BMPER: variants seen among roughly 807,000 people sequenced by gnomAD.
BMPER encodes BMP binding endothelial regulator, also known as BMP-binding endothelial regulator protein.
In BMPER, 45 loss-of-function variants were observed where a neutral mutation model predicts 87.3. The observed-to-expected ratio is 0.52, with a 90% CI of 0.41 to 0.66. The LOEUF is 0.66. BMPER is among the 30% of genes least tolerant of loss of function. BMPER has a pLI of 0.00. For synonymous variants in BMPER, 326 were observed against 316.2 expected (o/e 1.03, Z -0.33); for missense variants, 784 against 867.5 (o/e 0.90, Z 1.21).
intron 9 of BMPER, 114 bp downstream of exon 9, chr7:34,055,417 G>A (rs949761771): frequency 2.0e-5 from 26 of 1,290,258 alleles, no homozygotes; most frequent in Admixed American, 1.4e-4. Context: ...ATATACAAAT[G>A]TATATGTGTG....
At chr7:34,151,787 G>A (rs1446430748) in intron 14 of BMPER, among the ~76,000 whole-genome samples, 2 of 152,190 alleles carry the variant, frequency 1.3e-5, no homozygotes, top group Admixed American at 1.3e-4. Flanking sequence ...ACAGAAAAAT[G>A]TTCATTATAG....
intron 6 of BMPER, among the ~76,000 whole-genome samples, chr7:34,007,350 T>A (rs1435726584): frequency 6.6e-6 from 1 of 152,080 alleles, no homozygotes; most frequent in Non-Finnish European, 1.5e-5. Context: ...GGATTTCACA[T>A]GCACATGTAC....
At chr7:34,018,556 A>G (rs1787098518) in intron 6 of BMPER, among the ~76,000 whole-genome samples, 1 of 151,968 alleles carries the variant, frequency 6.6e-6, no homozygotes, top group Non-Finnish European at 1.5e-5. Flanking sequence ...ATGAAACTGG[A>G]CACCAAGACG....
At chr7:34,032,547 A>G (rs1787557287) in intron 6 of BMPER, among the ~76,000 whole-genome samples, 1 of 152,168 alleles carries the variant, frequency 6.6e-6, no homozygotes, top group African/African-American at 2.4e-5. Context: ...ATTGGATGAA[A>G]GAAATGTCCT....
At chr7:33,964,181 A>G (rs1785345992) in intron 3 of BMPER, among the ~76,000 whole-genome samples, 1 of 152,212 alleles carries the variant, frequency 6.6e-6, no homozygotes, top group Non-Finnish European at 1.5e-5. Context: ...AGTGATGAGA[A>G]TGTCCTTTCT....
At chr7:34,053,574 G>A (rs1303998024) in intron 8 of BMPER, among the ~76,000 whole-genome samples, 1 of 152,114 alleles carries the variant, frequency 6.6e-6, no homozygotes, top group Admixed American at 6.6e-5. Context: ...TATGTTCTAT[G>A]TATTACATAC....
intron 5 of BMPER, 26 bp downstream of exon 5, chr7:33,970,445 G>A (rs1287798885): frequency 2.4e-5 from 38 of 1,602,072 alleles, no homozygotes; most frequent in Non-Finnish European, 3.2e-5. Flanking sequence ...AGGGGAGGCT[G>A]GAAATCTCTG....
chr7:33,997,396 T>C (rs567718338), intron 6 of BMPER, among the ~76,000 whole-genome samples: 2 of 152,220 alleles, frequency 1.3e-5, no homozygotes, highest in South Asian at 2.1e-4. Context: ...TGGGAGGTGA[T>C]TGAATGAAGG....
At chr7:33,910,555 A>G (rs112431171) in intron 2 of BMPER, among the ~76,000 whole-genome samples, 3 of 152,336 alleles carry the variant, frequency 2.0e-5, no homozygotes, top group African/African-American at 7.2e-5. Context: ...GGAGGCTGGG[A>G]CTCAGAAAAC....
chr7:34,020,709 G>A (rs1355688939), intron 6 of BMPER, among the ~76,000 whole-genome samples: 1 of 151,972 alleles, frequency 6.6e-6, no homozygotes, highest in Non-Finnish European at 1.5e-5. Flanking sequence ...GAATTATCCA[G>A]GATTGTTTCC....
At chr7:34,063,591 G>C (rs528518199) in intron 11 of BMPER, among the ~76,000 whole-genome samples, 14 of 152,130 alleles carry the variant, frequency 9.2e-5, no homozygotes, top group Admixed American at 2.6e-4. Flanking sequence ...ACTCAAAGGA[G>C]GCCAATGAAG....
Position 34,155,212 on chromosome 7 carries a change from G to A in BMPER, c.*1939G>A, listed in dbSNP as rs1052262673. On this transcript the variant is annotated 3_prime_UTR_variant, in exon 15 of 15. Transcript: ENST00000649409. ...GGAGGGGTAGGGAAAATCAGTTGAC[G>A]TTGCCTGGTGGTTCCTACCTTCTGT... is the stretch of plus-strand genomic sequence containing the variant. The A allele has an allele frequency of 2.6e-5, 4 of 152,140 alleles. No individual in the cohort carries two copies. Among genetic ancestry groups the A allele is most frequent in the Admixed American group, 6.5e-5 (1 of 15,274 alleles). 9.4% of individuals were successfully genotyped at this position (152,140 alleles called of 1,614,324 possible).
At chr7:33,908,397 G>A (rs1040214112) in intron 2 of BMPER, among the ~76,000 whole-genome samples, 32 of 152,124 alleles carry the variant, frequency 2.1e-4, no homozygotes, top group African/African-American at 7.7e-4. Flanking sequence ...TGTAGTTTGA[G>A]TTTTGTAAAC....
Position 34,027,952 on chromosome 7 carries a change from G to A in BMPER, c.577-18354G>A, listed in dbSNP as rs73329130. On this transcript the variant is annotated intron_variant, in intron 6 of 14. Coordinates refer to ENST00000649409, the MANE Select transcript of BMPER (RefSeq NM_001365308.1). ...ATATTCCACATGACTGATGCATGCTGTTACAAAAAATAATGCATGGGTAGA... is the reference window on the plus strand; with the variant it reads ...ATATTCCACATGACTGATGCATGCTATTACAAAAAATAATGCATGGGTAGA... 9.0e-3 allele frequency among the ~76,000 whole-genome samples: 1,372 copies of A among 152,088 alleles called. 15 individuals are homozygous for A. The highest frequency in any genetic ancestry group is 0.031 in the African/African-American group (1,297 of 41,520).
intron 14 of BMPER, among the ~76,000 whole-genome samples, chr7:34,152,747 A>G (rs1233868979): frequency 6.6e-6 from 1 of 152,176 alleles, no homozygotes; most frequent in Non-Finnish European, 1.5e-5. Flanking sequence ...TCAATAGCTG[A>G]AAGGACTATT....
intron 6 of BMPER, among the ~76,000 whole-genome samples, chr7:33,979,102 T>C (rs1321158939): frequency 6.6e-6 from 1 of 152,128 alleles, no homozygotes; most frequent in Non-Finnish European, 1.5e-5. Context: ...AGTGTCCATA[T>C]ATATGCACGT....
chr7:33,958,743 G>C (rs1329500102), intron 3 of BMPER, among the ~76,000 whole-genome samples: 2 of 152,130 alleles, frequency 1.3e-5, no homozygotes, highest in Non-Finnish European at 2.9e-5. Context: ...CTAAATACTG[G>C]GGGTAAAATG....
intron 6 of BMPER, among the ~76,000 whole-genome samples, chr7:33,983,212 C>T (rs1785910188): frequency 6.6e-6 from 1 of 151,992 alleles, no homozygotes; most frequent in African/African-American, 2.4e-5. Flanking sequence ...CAGGACAAAT[C>T]CTAAATTTTA....
chr7:34,104,986 A>G (rs1180637173), intron 13 of BMPER, among the ~76,000 whole-genome samples: 2 of 152,200 alleles, frequency 1.3e-5, no homozygotes, highest in East Asian at 3.9e-4. Context: ...GCTTATTTTC[A>G]ATGATCTGTC....
Sources: allele counts gnomAD v4.1 joint callset (sites outside exome capture counted in the v4.1 genomes callset), GRCh38; gene constraint gnomAD v4.1.1; transcripts MANE v1.5; gene names NCBI Gene and HGNC (gene_info 2026-07-23, HGNC 2026-07-21).